Variants in SPRING1 observed in about 807,000 individuals in gnomAD.
The protein encoded by SPRING1 is SREBP regulating gene protein.
SPRING1 carries 14 observed loss-of-function variants against 24.7 expected under a neutral mutation model. The observed-to-expected ratio is 0.57, with a 90% CI of 0.37 to 0.88. SPRING1 has a LOEUF of 0.88. SPRING1 is among the 40% of genes least tolerant of loss of function. The probability of loss-of-function intolerance (pLI) is 0.00; values close to 1 mark genes in which losing one functional copy is unlikely to be tolerated. For missense variants in SPRING1, 255 were observed against 268.4 expected (o/e 0.95, Z 0.35); for synonymous variants, 93 against 106.1 (o/e 0.88, Z 0.76).
intron 4 of SPRING1, among the ~76,000 whole-genome samples, 159 bp downstream of exon 4, chr12:116,719,604 G>A (rs1592915370): frequency 6.6e-6 from 1 of 152,310 alleles, no homozygotes; most frequent in Non-Finnish European, 1.5e-5. Flanking sequence ...ATCTCACGTT[G>A]ACATTTTAAA....
intron 2 of SPRING1, 24 bp downstream of exon 2, chr12:116,723,043 G>T: frequency 6.2e-7 from 1 of 1,612,156 alleles, no homozygotes; most frequent in Non-Finnish European, 8.5e-7. Context: ...TGACCGCCTG[G>T]AGAGGAAGGG....
chr12:116,723,871 G>A (rs1870558294), intron 1 of SPRING1, among the ~76,000 whole-genome samples: 1 of 152,174 alleles, frequency 6.6e-6, no homozygotes, highest in Non-Finnish European at 1.5e-5. Context: ...GCAATTGGAA[G>A]AGTTGCCCTG....
rs766760609 is a variant in SPRING1, at chr12:116,717,869, G to A, written c.559C>T (p.Arg187Trp). ...TAGCAATACTTTGCTATGGGGTCCC[G>A]GTAGGTGTTCTCATGCTGCACGCTC... is the stretch of plus-strand genomic sequence containing the variant. ...SQSVQHENTY[R>W]DPIAKYCYGE... Residue 187 changes from arginine (R) to tryptophan (W), a missense_variant, in exon 5 of 5, where the codon CGG (arginine) becomes TGG (tryptophan). By Grantham distance (101) the Arg-to-Trp change is moderately radical (BLOSUM62 -3). Transcript: ENST00000261318. The surrounding 1 kb of genome is among the most constrained non-coding windows in gnomAD (Gnocchi z 4.2). The A allele has an allele frequency of 6.2e-6, 10 of 1,607,922 alleles. No individual in the cohort carries two copies. The highest frequency in any genetic ancestry group is 5.5e-5 in the South Asian group (5 of 90,238).
intron 1 of SPRING1, among the ~76,000 whole-genome samples, chr12:116,725,416 G>A (rs1005454141): frequency 6.6e-6 from 1 of 152,118 alleles, no homozygotes; most frequent in African/African-American, 2.4e-5. Flanking sequence ...GAACAGATAA[G>A]GGGGAACTAC....
intron 4 of SPRING1, 100 bp downstream of exon 4, chr12:116,719,663 C>A: frequency 1.0e-6 from 1 of 952,638 alleles, no homozygotes; most frequent in Admixed American, 2.2e-5. Flanking sequence ...AGTCTCTTCT[C>A]CCTTACCACC....
Position 116,720,140 on chromosome 12 carries a change from T to C in SPRING1, c.420+156A>G. ...AGCAACTGGGAACCACCTCCTTTCCTTAGATAAAAGCTATTGTGCAGCAAT... is the reference window on the plus strand; with the variant it reads ...AGCAACTGGGAACCACCTCCTTTCCCTAGATAAAAGCTATTGTGCAGCAAT... On this transcript the variant is annotated intron_variant, in intron 3 of 4. Coordinates refer to ENST00000261318, the MANE Select transcript of SPRING1 (RefSeq NM_024738.4). This position sits in a 1 kb window ranked among gnomAD's most constrained non-coding sequence, Gnocchi z 4.0. 1 of 1,002,220 alleles carries C rather than the reference T, an allele frequency of 1.0e-6. No individual in the cohort carries two copies. Among genetic ancestry groups the C allele is most frequent in the East Asian group, 2.7e-5 (1 of 37,606 alleles). The allele number at this position is 1,002,220 out of a possible 1,614,324, so 62.1% of individuals were successfully genotyped here.
rs947884262 is a variant in SPRING1 at position 116,711,280 on chromosome 12, T to A, written c.*6530A>T. On this transcript the variant is annotated 3_prime_UTR_variant, in exon 5 of 5. Transcript: ENST00000261318. ...CAGGCGCGGTGGCTCACTCCTGTAATCCCAGCACTTTGGGAGGCCGAGGTG... is the reference window on the plus strand; with the variant it reads ...CAGGCGCGGTGGCTCACTCCTGTAAACCCAGCACTTTGGGAGGCCGAGGTG... 1.3e-5 allele frequency: 2 copies of A among 152,274 alleles called. No homozygotes were observed. Among genetic ancestry groups the A allele is most frequent in the African/African-American group, 4.8e-5 (2 of 41,412 alleles). The allele number at this position is 152,274 out of a possible 1,614,324, so 9.4% of individuals were successfully genotyped here.
chr12:116,731,900 C>T (rs1343192659), intron 1 of SPRING1, among the ~76,000 whole-genome samples: 1 of 152,218 alleles, frequency 6.6e-6, no homozygotes, highest in Admixed American at 6.5e-5. Context: ...ATGAGGCCCC[C>T]TCTCAGCACA....
intron 2 of SPRING1, among the ~76,000 whole-genome samples, chr12:116,721,599 T>G (rs892679423): frequency 1.3e-5 from 2 of 152,232 alleles, no homozygotes; most frequent in Non-Finnish European, 2.9e-5. Flanking sequence ...TAGTTGTTGT[T>G]TATGTTATTC....
chr12:116,732,880 C>A (rs1202037824), intron 1 of SPRING1, among the ~76,000 whole-genome samples: 2 of 152,128 alleles, frequency 1.3e-5, no homozygotes, highest in African/African-American at 4.8e-5. Context: ...AAACAGTAGC[C>A]CTAAGCACAA....
intron 4 of SPRING1, among the ~76,000 whole-genome samples, chr12:116,718,775 T>G (rs763418285): frequency 9.2e-5 from 14 of 152,102 alleles, no homozygotes; most frequent in Non-Finnish European, 1.8e-4. Flanking sequence ...TCAAAATGAG[T>G]CATGTGTTCA....
At chr12:116,722,800 G>GGACT (rs1232213664) in intron 2 of SPRING1, among the ~76,000 whole-genome samples, 1 of 152,150 alleles carries the variant, frequency 6.6e-6, no homozygotes, top group East Asian at 1.9e-4. Context: ...AGGGGCCTGG[G>GGACT]GACTGATGCG....
Position 116,727,889 on chromosome 12 carries a change from C to A in SPRING1, c.112-4666G>T, listed in dbSNP as rs143216222. 3.3e-3 allele frequency among the ~76,000 whole-genome samples: 495 copies of A among 152,104 alleles called. 1 individual carries two copies. The highest frequency in any genetic ancestry group is 0.01 in the African/African-American group (416 of 41,492). On this transcript the variant is annotated intron_variant, in intron 1 of 4. Transcript: ENST00000261318. ...CAAACATTCTGCAATATATATATAT[C>A]TCTCTCTCTTAATAATCAGTGCAAA...
chr12:116,714,729 A>G lies in SPRING1; in HGVS notation c.*3081T>C. On this transcript the variant is annotated 3_prime_UTR_variant, in exon 5 of 5. Transcript: ENST00000261318. ...AGAATTGCTTGAACCCAGGAGGGGG[A>G]GGTTGCAGTGAGCTGAGATCACGCC... 1 of 127,850 alleles carries G rather than the reference A, an allele frequency of 7.8e-6. No individual in the cohort carries two copies. Among genetic ancestry groups the G allele is most frequent in the Non-Finnish European group, 1.6e-5 (1 of 63,424 alleles). The allele number at this position is 127,850 out of a possible 1,614,324, so 7.9% of individuals were successfully genotyped here.
At chr12:116,730,753 A>G (rs568625177) in intron 1 of SPRING1, among the ~76,000 whole-genome samples, 45 of 152,340 alleles carry the variant, frequency 3.0e-4, no homozygotes, top group African/African-American at 8.7e-4. Flanking sequence ...ACACTTGTTA[A>G]TATCACCAGG....
In SPRING1 at chr12:116,719,885, A is replaced by G. The variant is rs758581865; in HGVS notation, c.421-9T>C. 4 of 1,612,322 alleles carry G rather than the reference A, an allele frequency of 2.5e-6. No homozygotes were observed. In the Admixed American group the frequency reaches 5.0e-5, roughly 20 times the overall value. ...CGCTCCAGGAGAAGTTGCTATGGAA[A>G]CAAAAGTTAGTGCCTGTAATAAATT... On this transcript the variant is annotated splice_polypyrimidine_tract_variant and intron_variant, in intron 3 of 4. Coordinates refer to ENST00000261318, the MANE Select transcript of SPRING1 (RefSeq NM_024738.4).
At chr12:116,727,839 C>T (rs1311407050) in intron 1 of SPRING1, among the ~76,000 whole-genome samples, 4 of 152,106 alleles carry the variant, frequency 2.6e-5, no homozygotes, top group East Asian at 3.9e-4. Flanking sequence ...AACTGTTCCT[C>T]TCCTCTACCC....
At chr12:116,730,422 T>C (rs1256646606) in intron 1 of SPRING1, among the ~76,000 whole-genome samples, 2 of 152,064 alleles carry the variant, frequency 1.3e-5, no homozygotes, top group Non-Finnish European at 2.9e-5. Flanking sequence ...CAGACTGGTC[T>C]GAAACTCCTG....
Position 116,719,811 on chromosome 12 carries a change from G to A in SPRING1, c.486C>T (p.Val162=), listed in dbSNP as rs181497058. 17 of 1,614,124 alleles carry A rather than the reference G, an allele frequency of 1.1e-5. No individual in the cohort carries two copies. In the East Asian group the frequency reaches 1.1e-4, roughly 11 times the overall value. Residue 162 remains valine (V), a synonymous_variant, in exon 4 of 5, where the codon GTC becomes GTT. Coordinates refer to ENST00000261318, the MANE Select transcript of SPRING1 (RefSeq NM_024738.4). ...AVAFQNLFMA[V]EDHFELCLAK... ...CCAGGCACAACTCAAAGTGATCTTC[G>A]ACTGCCATGAAGAGGTTCTGGAATG...
Sources: gnomAD v4.1 joint callset for allele counts (sites outside exome capture counted in the v4.1 genomes callset) on GRCh38, gnomAD v4.1.1 for gene constraint, Gnocchi (gnomAD v3.1) non-coding constraint, MANE v1.5 for transcripts, NCBI Gene and HGNC (gene_info 2026-07-23, HGNC 2026-07-21) for gene names.